IQCJ: variants seen among roughly 807,000 people sequenced by gnomAD.
IQCJ encodes IQ domain-containing protein J.
Under a neutral mutation model 11.0 loss-of-function variants are expected in IQCJ, and 9 were observed. The observed-to-expected ratio is 0.82, with a 90% confidence interval of 0.49 to 1.43. IQCJ has a LOEUF of 1.43. Among genes scored for constraint, IQCJ ranks in the 40% most tolerant of loss-of-function variants. The pLI, the probability that IQCJ is intolerant of heterozygous loss-of-function variation, is 0.00. For missense variants in IQCJ, 146 were observed against 133.2 expected (o/e 1.10, Z -0.47); for synonymous variants, 55 against 51.3 (o/e 1.07, Z -0.31).
At chr3:159,103,733 T>C (rs1718074701) in intron 1 of IQCJ, among the ~76,000 whole-genome samples, 1 of 152,262 alleles carries the variant, frequency 6.6e-6, no homozygotes, top group Non-Finnish European at 1.5e-5. Flanking sequence ...CACATCTAAG[T>C]TGCTGGTTTG....
chr3:159,213,533 T>A lies in IQCJ; in HGVS notation c.10-32310T>A, dbSNP rs1419768927. On this transcript the variant is annotated intron_variant, in intron 1 of 3. Transcript: ENST00000397832. Reference sequence around the variant, plus strand: ...CTGCAAAGTACTGTATAAAGAACTATCACTGTTTGTGTTTATGTCAACAAT... The same window carrying A: ...CTGCAAAGTACTGTATAAAGAACTAACACTGTTTGTGTTTATGTCAACAAT... Among the ~76,000 whole-genome samples the A allele has an allele frequency of 5.9e-5, 9 of 152,200 alleles. 1 individual carries two copies. The highest frequency in any genetic ancestry group is 5.9e-4 in the Admixed American group (9 of 15,280).
chr3:159,133,809 A>G (rs1473837022), intron 1 of IQCJ, among the ~76,000 whole-genome samples: 1 of 152,102 alleles, frequency 6.6e-6, no homozygotes, highest in Non-Finnish European at 1.5e-5. Flanking sequence ...CTTATTATCT[A>G]TTACTATGTA....
At position 159,252,923 on chromosome 3, in the gene IQCJ, C is replaced by A. The variant is rs1041271693; in HGVS notation, c.155+116C>A. On this transcript the variant is annotated intron_variant, in intron 3 of 3. Transcript: ENST00000397832. The stretch of plus-strand genomic sequence containing the variant: ...ATCTTTATTTTACATTCATGTGCTG[C>A]ATATTATTTCCTCCCTCTTCTAAGC... 4 of 1,030,796 alleles carry A rather than the reference C, an allele frequency of 3.9e-6. No individual in the cohort carries two copies. The African/African-American group carries it at 6.5e-5, about 17-fold the overall frequency. The allele number at this position is 1,030,796 out of a possible 1,614,324, so 63.9% of individuals were successfully genotyped here. A position where few individuals can be genotyped will look rare whatever the true frequency, so the allele number is the denominator to read the frequency against.
intron 1 of IQCJ, among the ~76,000 whole-genome samples, chr3:159,108,825 T>G (rs1577013161): frequency 6.6e-6 from 1 of 152,194 alleles, no homozygotes; most frequent in East Asian, 1.9e-4. Context: ...CATCAACTCC[T>G]TGTGCTTTGT....
At chr3:159,076,236 T>TA (rs5853850) in intron 1 of IQCJ, among the ~76,000 whole-genome samples, 45,591 of 151,966 alleles carry the variant, frequency 0.3, 7,550 homozygotes, top group East Asian at 0.65. Context: ...GCTTTGTTGA[T>TA]ACTTGAATTG....
At chr3:159,198,324 C>A (rs56232508) in intron 1 of IQCJ, among the ~76,000 whole-genome samples, 38,842 of 151,660 alleles carry the variant, frequency 0.26, 5,632 homozygotes, top group African/African-American at 0.38. Flanking sequence ...AATAATGATA[C>A]CTAACATTAC....
At chr3:159,177,245 C>T (rs1269608345) in intron 1 of IQCJ, among the ~76,000 whole-genome samples, 1 of 152,164 alleles carries the variant, frequency 6.6e-6, no homozygotes, top group Non-Finnish European at 1.5e-5. Context: ...AAAATTCCCA[C>T]ACAATATAAG....
rs142119676 is a variant in IQCJ at position 159,238,126 on chromosome 3, G to A, written c.10-7717G>A. On this transcript the variant is annotated intron_variant, in intron 1 of 3. Transcript: ENST00000397832. ...CTTGGAGGGGTGAGAAAATGGAGCA[G>A]TTATGGGAATATGCACTATCTTGTG... Among the ~76,000 whole-genome samples, 1,016 of 152,270 alleles carry A rather than the reference G, an allele frequency of 6.7e-3. 5 individuals are homozygous for A. Among genetic ancestry groups the A allele is most frequent in the Admixed American group, 0.011 (173 of 15,286 alleles).
At chr3:159,069,937 T>C in intron 1 of IQCJ, 1 of 257,902 alleles carries the variant, frequency 3.9e-6, no homozygotes, top group South Asian at 3.9e-5. Flanking sequence ...GAGAGAAGAG[T>C]TATATTGCTG....
intron 1 of IQCJ, among the ~76,000 whole-genome samples, chr3:159,222,253 A>G (rs1577091297): frequency 6.6e-6 from 1 of 152,320 alleles, no homozygotes; most frequent in East Asian, 1.9e-4. Flanking sequence ...GTGTCTGTCA[A>G]TGGATGAATG....
At chr3:159,158,242 A>G (rs766655627) in intron 1 of IQCJ, among the ~76,000 whole-genome samples, 1 of 152,218 alleles carries the variant, frequency 6.6e-6, no homozygotes, top group Non-Finnish European at 1.5e-5. Context: ...CAGCAGTTCT[A>G]GAAGCTGCAG....
At chr3:159,138,187 C>T (rs1367140310) in intron 1 of IQCJ, among the ~76,000 whole-genome samples, 1 of 152,162 alleles carries the variant, frequency 6.6e-6, no homozygotes, top group Non-Finnish European at 1.5e-5. Context: ...CAAAGACTGA[C>T]AGTCTGGTTT....
intron 3 of IQCJ, among the ~76,000 whole-genome samples, chr3:159,256,942 G>T (rs1727930940): frequency 6.6e-6 from 1 of 152,192 alleles, no homozygotes; most frequent in South Asian, 2.1e-4. Context: ...GGGTTACAAA[G>T]AAGTTATTCT....
intron 1 of IQCJ, among the ~76,000 whole-genome samples, chr3:159,233,895 CTGAGATCTAAATGGAAGGAGT>C (rs936117716): frequency 6.6e-6 from 1 of 152,182 alleles, no homozygotes; most frequent in African/African-American, 2.4e-5. Context: ...CATGATGAAA[CTGAGATCTAAATGGAAGGAGT>C]TGCTTTCTAA....
intron 1 of IQCJ, among the ~76,000 whole-genome samples, chr3:159,180,672 G>C (rs192159653): frequency 8.6e-5 from 13 of 151,970 alleles, no homozygotes; most frequent in Non-Finnish European, 7.4e-5. Flanking sequence ...GGATATATGG[G>C]TATTCATTAT....
At chr3:159,215,647 T>C (rs998107736) in intron 1 of IQCJ, among the ~76,000 whole-genome samples, 1 of 152,082 alleles carries the variant, frequency 6.6e-6, no homozygotes, top group Admixed American at 6.6e-5. Flanking sequence ...GAGAGAGAAG[T>C]CAATTGAACT....
At chr3:159,216,985 T>A (rs1348237432) in intron 1 of IQCJ, among the ~76,000 whole-genome samples, 1 of 152,146 alleles carries the variant, frequency 6.6e-6, no homozygotes, top group Non-Finnish European at 1.5e-5. Flanking sequence ...GTCCAACAAA[T>A]TTGAGTACTC....
At chr3:159,156,735 T>C (rs1721542371) in intron 1 of IQCJ, among the ~76,000 whole-genome samples, 1 of 152,188 alleles carries the variant, frequency 6.6e-6, no homozygotes. Context: ...CACTTTTGCA[T>C]ACCCTTAAGT....
At chr3:159,200,030 C>CTATATATATATATATATA (rs368929112) in intron 1 of IQCJ, among the ~76,000 whole-genome samples, 2,732 of 118,368 alleles carry the variant, frequency 0.023, 66 homozygotes, top group Admixed American at 0.026. Context: ...GAGTAAACGA[C>CTATATATATATATATATA]TATATATATA....
Sources: allele counts gnomAD v4.1 joint callset (sites outside exome capture counted in the v4.1 genomes callset), GRCh38; gene constraint gnomAD v4.1.1; transcripts MANE v1.5; gene names NCBI Gene and HGNC (gene_info 2026-07-23, HGNC 2026-07-21).